The following RINT1 variants were observed in gnomAD, a reference collection of about 807,000 sequenced individuals.
RINT1 encodes RAD50-interacting protein 1.
A neutral mutation model predicts 97.7 loss-of-function variants in RINT1; 75 were observed. The observed-to-expected ratio is 0.77, with a 90% CI of 0.64 to 0.93. The LOEUF (loss-of-function observed/expected upper bound fraction) is 0.93. RINT1 is among the 40% of genes least tolerant of loss of function. The probability of loss-of-function intolerance (pLI) is 0.00; values close to 1 mark genes in which losing one functional copy is unlikely to be tolerated. For missense variants in RINT1, 892 were observed against 925.2 expected (o/e 0.96, Z 0.47); for synonymous variants, 303 against 326.3 (o/e 0.93, Z 0.77).
At chr7:105,535,103 T>G (rs1790171932) in intron 2 of RINT1, among the ~76,000 whole-genome samples, 1 of 152,184 alleles carries the variant, frequency 6.6e-6, no homozygotes, top group Admixed American at 6.6e-5. Context: ...CACTTTATAC[T>G]ATTTAGTGGT....
intron 4 of RINT1, among the ~76,000 whole-genome samples, chr7:105,544,212 G>C (rs1790571431): frequency 6.6e-6 from 1 of 151,988 alleles, no homozygotes. Context: ...TTGCAGTGAA[G>C]GAATTTTAAA....
chr7:105,551,493 C>T, intron 9 of RINT1, 77 bp from the exon 10 acceptor site: 1 of 1,281,304 alleles, frequency 7.8e-7, no homozygotes. Context: ...AGCCATCATT[C>T]CTAAAAAATT....
At chr7:105,563,371 T>C (rs895922580) in intron 11 of RINT1, among the ~76,000 whole-genome samples, 17 of 152,310 alleles carry the variant, frequency 1.1e-4, no homozygotes, top group African/African-American at 3.6e-4. Context: ...TACACTATTA[T>C]TAGTTTTGAG....
chr7:105,548,747 G>A (rs1790794910), intron 7 of RINT1, 37 bp downstream of exon 7: 1 of 1,557,206 alleles, frequency 6.4e-7, no homozygotes, highest in African/African-American at 1.4e-5. Context: ...GTTTTTATTG[G>A]TAACAAATGT....
At position 105,543,046 on chromosome 7, in the gene RINT1, G is replaced by A. The variant is rs147143683; in HGVS notation, c.515+397G>A. Among the ~76,000 whole-genome samples the A allele has an allele frequency of 9.5e-3, 1,439 of 151,892 alleles. 16 individuals are homozygous for A. Among genetic ancestry groups the A allele is most frequent in the African/African-American group, 0.033 (1,384 of 41,438 alleles). On this transcript the variant is annotated intron_variant, in intron 4 of 14. Transcript: ENST00000257700. Reference sequence around the variant, plus strand: ...ACTACAGGCGCCCGCCACCATGCCTGGCTAATTTTTTTTTTTGGTATTTTT... The same window carrying A: ...ACTACAGGCGCCCGCCACCATGCCTAGCTAATTTTTTTTTTTGGTATTTTT...
chr7:105,535,117 A>G (rs915407079), intron 2 of RINT1, among the ~76,000 whole-genome samples: 1 of 150,992 alleles, frequency 6.6e-6, no homozygotes, highest in Non-Finnish European at 1.5e-5. Flanking sequence ...TAGTGGTTGC[A>G]TTTGTCATTT....
intron 4 of RINT1, among the ~76,000 whole-genome samples, chr7:105,546,127 C>T (rs1310109207): frequency 1.3e-5 from 2 of 152,156 alleles, no homozygotes; most frequent in African/African-American, 4.8e-5. Context: ...CCAAGCCCCG[C>T]CTGGAATTAT....
At chr7:105,560,145 G>A (rs915110530) in intron 11 of RINT1, among the ~76,000 whole-genome samples, 2 of 152,192 alleles carry the variant, frequency 1.3e-5, no homozygotes, top group Non-Finnish European at 2.9e-5. Context: ...GTGGCCACAG[G>A]TGGTTCCAGG....
At position 105,532,204 on chromosome 7, in the gene RINT1, G is replaced by C. The variant is rs1365999687; in HGVS notation, c.-112G>C. Reference sequence around the variant, plus strand: ...GAGACATCGAGAGGAAGTCGCTGTGGCACTCAGTCCTACGGCCTCCGAGGC... The same window carrying C: ...GAGACATCGAGAGGAAGTCGCTGTGCCACTCAGTCCTACGGCCTCCGAGGC... On this transcript the variant is annotated 5_prime_UTR_variant, in exon 1 of 15. Transcript: ENST00000257700. The C allele has an allele frequency of 8.5e-7, 1 of 1,171,134 alleles. No homozygotes were observed. The highest frequency in any genetic ancestry group is 1.5e-5 in the African/African-American group (1 of 65,392). 72.5% of individuals were successfully genotyped at this position (1,171,134 alleles called of 1,614,324 possible). A position where few individuals can be genotyped will look rare whatever the true frequency, so the allele number is the denominator to read the frequency against.
intron 3 of RINT1, 108 bp downstream of exon 3, chr7:105,536,857 T>G: frequency 1.7e-6 from 1 of 577,274 alleles, no homozygotes; most frequent in Non-Finnish European, 2.6e-6. Context: ...ACGTGACAAA[T>G]AGTCTATTAT....
chr7:105,553,402 GTATTTTTA>G (rs1368715112), intron 10 of RINT1, among the ~76,000 whole-genome samples: 1 of 149,214 alleles, frequency 6.7e-6, no homozygotes, highest in Non-Finnish European at 1.5e-5. Context: ...ATTTTTTTTT[GTATTTTTA>G]CTAAAAATAC....
Position 105,565,445 on chromosome 7 carries a change from C to T in RINT1, c.2055C>T (p.Tyr685=). ...WQMLVEKLDV[Y]IYQEIILANH... is the part of the protein sequence containing the mutation. ...TGCTTGTAGAGAAGCTGGATGTATA[C>T]ATCTACCAAGAAGTAAGTAAGAATA... is the stretch of plus-strand genomic sequence containing the variant. Residue 685 remains tyrosine (Y), a synonymous_variant, in exon 13 of 15, where the codon TAC becomes TAT. Transcript: ENST00000257700. 1.2e-6 allele frequency: 2 copies of T among 1,613,952 alleles called. No individual in the cohort carries two copies. Among genetic ancestry groups the T allele is most frequent in the South Asian group, 1.1e-5 (1 of 91,088 alleles).
At position 105,565,598 on chromosome 7, in the gene RINT1, T is replaced by C. The variant is rs765770922; in HGVS notation, c.2136T>C (p.Leu712=). The C allele has an allele frequency of 2.2e-5, 36 of 1,613,826 alleles. No individual in the cohort carries two copies. Among genetic ancestry groups the C allele is most frequent in the Non-Finnish European group, 2.8e-5 (33 of 1,179,914 alleles). ...AQLQFDMTRN[L]FPLFSHYCKR... is the part of the protein sequence containing the mutation. ...TGCAGTTTGATATGACTCGGAATCT[T>C]TTCCCTTTGTTTTCTCACTATTGCA... Residue 712 remains leucine, a synonymous_variant, in exon 14 of 15, where the codon CTT becomes CTC. Transcript: ENST00000257700.
intron 12 of RINT1, chr7:105,565,058 G>C (rs1214133067): frequency 2.5e-6 from 1 of 402,488 alleles, no homozygotes; most frequent in Non-Finnish European, 4.4e-6. Flanking sequence ...ATTAAAATTT[G>C]GGGATATTTT....
At chr7:105,556,675 C>G (rs1791195404) in intron 11 of RINT1, among the ~76,000 whole-genome samples, 1 of 143,514 alleles carries the variant, frequency 7.0e-6, no homozygotes, top group African/African-American at 2.6e-5. Flanking sequence ...CTTGCCTTCT[C>G]CATGCAGATT....
chr7:105,547,717 G>GTTT (rs1790729840), intron 6 of RINT1, among the ~76,000 whole-genome samples: 1 of 123,052 alleles, frequency 8.1e-6, no homozygotes, highest in Non-Finnish European at 1.7e-5. Context: ...CCATTTTTGT[G>GTTT]CTTTTTTTTT....
chr7:105,554,962 G>A, intron 10 of RINT1, 66 bp from the exon 11 acceptor site: 1 of 1,291,546 alleles, frequency 7.7e-7, no homozygotes, highest in Non-Finnish European at 1.1e-6. Flanking sequence ...GGACAGTAGG[G>A]AAAACTTATA....
At position 105,563,862 on chromosome 7, in the gene RINT1, C is replaced by T. The variant is rs780570787; in HGVS notation, c.1801C>T (p.Arg601Cys). 48 of 1,613,956 alleles carry T rather than the reference C, an allele frequency of 3.0e-5. No homozygotes were observed. The highest frequency in any genetic ancestry group is 3.8e-5 in the Non-Finnish European group (45 of 1,179,952). ...TGATGACATGATTAACCTCTTAGAA[C>T]GTTTAAAGCATGATATGTTGACCCG... Reference protein sequence around the residue: ...VFDDMINLLERLKHDMLTRQV... With the variant: ...VFDDMINLLECLKHDMLTRQV... Residue 601 changes from arginine to cysteine, a missense_variant, in exon 12 of 15, where the codon CGT becomes TGT. Coordinates refer to ENST00000257700, the MANE Select transcript of RINT1 (RefSeq NM_021930.6).
At chr7:105,556,701 C>G (rs894358899) in intron 11 of RINT1, among the ~76,000 whole-genome samples, 3 of 5,910 alleles carry the variant, frequency 5.1e-4, no homozygotes, top group African/African-American at 6.6e-4. Flanking sequence ...AAGATTTGAT[C>G]TGCCTAATTA....
Sources: allele counts gnomAD v4.1 joint callset (sites outside exome capture counted in the v4.1 genomes callset), GRCh38; gene constraint gnomAD v4.1.1; transcripts MANE v1.5; gene names NCBI Gene and HGNC (gene_info 2026-07-23, HGNC 2026-07-21).